Variants in WDR62 observed in about 807,000 individuals in gnomAD.
WDR62 encodes WD repeat-containing protein 62.
In WDR62, 112 loss-of-function variants were observed where a neutral mutation model predicts 160.6. The ratio of observed to expected loss-of-function variants is 0.70; its 90% CI spans 0.60 to 0.82. WDR62 has a LOEUF of 0.82. WDR62 is among the 40% of genes least tolerant of loss of function. The pLI is 0.00. For missense variants in WDR62, 1,819 were observed against 1,983.8 expected (o/e 0.92, Z 1.58); for synonymous variants, 792 against 815.1 (o/e 0.97, Z 0.48).
At chr19:36,058,642 A>C (rs1970485531) in intron 1 of WDR62, 138 bp from the exon 2 acceptor site, 1 of 711,996 alleles carries the variant, frequency 1.4e-6, no homozygotes, top group East Asian at 2.7e-5. Context: ...AACAAGTGTT[A>C]GCTGCTGGTG....
intron 12 of WDR62, among the ~76,000 whole-genome samples, chr19:36,084,949 G>C (rs1174443789): frequency 6.6e-6 from 1 of 152,186 alleles, no homozygotes; most frequent in Non-Finnish European, 1.5e-5. Context: ...GACTCAGCTT[G>C]ACTTGCCCGC....
chr19:36,108,175 C>T (rs1973745874), downstream of WDR62, among the ~76,000 whole-genome samples: 1 of 152,064 alleles, frequency 6.6e-6, no homozygotes, highest in East Asian at 1.9e-4. Flanking sequence ...ACACCCTGAC[C>T]TTACTCCCCT....
rs1190263575 is a variant in WDR62 at position 36,055,069 on chromosome 19, C to T, written c.98C>T (p.Ser33Phe). Residue 33 changes from serine to phenylalanine, a missense_variant, in exon 1 of 32, where the codon TCC (serine) becomes TTC (phenylalanine). Ser to Phe is a radical substitution (Grantham distance 155). Around this residue, in one of 3 missense-constraint regions of WDR62, gnomAD observed 115 missense variants for 92.4 expected, o/e 1.24. Coordinates refer to ENST00000401500, the MANE Select transcript of WDR62 (RefSeq NM_001083961.2). ...AGVPARRGQSSPPPAPPICLR... is the reference protein window; with the variant it reads ...AGVPARRGQSFPPPAPPICLR... ...GTTCCGGCGCGGAGGGGCCAGTCCT[C>T]CCCGCCCCCCGCCCCACCAATCTGC... The T allele has an allele frequency of 6.3e-7, 1 of 1,593,484 alleles. No homozygotes were observed. Among genetic ancestry groups the T allele is most frequent in the Non-Finnish European group, 8.5e-7 (1 of 1,171,264 alleles).
intron 9 of WDR62, among the ~76,000 whole-genome samples, chr19:36,080,615 C>T (rs1053287801): frequency 3.3e-5 from 5 of 151,696 alleles, no homozygotes; most frequent in Non-Finnish European, 4.4e-5. Context: ...TGCACCACCA[C>T]GCCCAGCTAA....
In WDR62 at chr19:36,102,963, C is replaced by T. The variant is rs149994724; in HGVS notation, c.3351C>T (p.Phe1117=). ...LQKASRFTHT[F]PPRATQCLVK... Reference sequence around the variant, plus strand: ...CTCCCCACAGGTTCACCCATACCTTCCCTCCCCGGGCAACCCAGTGCCTTG... The same window carrying T: ...CTCCCCACAGGTTCACCCATACCTTTCCTCCCCGGGCAACCCAGTGCCTTG... Residue 1117 remains phenylalanine (F), a synonymous_variant, in exon 28 of 32, where the codon TTC becomes TTT. Coordinates refer to ENST00000401500, the MANE Select transcript of WDR62 (RefSeq NM_001083961.2). The T allele has an allele frequency of 1.1e-5, 18 of 1,614,154 alleles. 1 individual carries two copies. Among genetic ancestry groups the T allele is most frequent in the Middle Eastern group, 1.6e-4 (1 of 6,062 alleles).
In WDR62 at chr19:36,104,879, A is replaced by G. The variant is rs781770676; in HGVS notation, c.4423A>G (p.Ser1475Gly). 1.2e-6 allele frequency: 2 copies of G among 1,612,490 alleles called. No individual in the cohort carries two copies. The highest frequency in any genetic ancestry group is 1.1e-5 in the South Asian group (1 of 90,996). The change falls in exon 32 of 32, where the codon AGT becomes GGT. Residue 1475 changes from serine (S) to glycine (G), a missense_variant. Ser to Gly is a moderately conservative substitution (Grantham distance 56). Transcript: ENST00000401500. Reference sequence around the variant, plus strand: ...GGAGGCTGAATGCCTGGTGGGGACTAGTGTGGCCCCAGCCCAGGCTCTGCC... The same window carrying G: ...GGAGGCTGAATGCCTGGTGGGGACTGGTGTGGCCCCAGCCCAGGCTCTGCC... ...QLEAECLVGT[S>G]VAPAQALPSP...
Position 36,103,900 on chromosome 19 carries a change from G to A in WDR62, c.4072G>A (p.Ala1358Thr). ...LPAPESPGLP[A>T]HPSNPQLPEA... is the part of the protein sequence containing the mutation. ...AGCTCCTGAGTCCCCTGGCCTTCCT[G>A]CCCACCCCAGTAACCCCCAGCTTCC... Residue 1358 changes from alanine (A) to threonine (T), a missense_variant, in exon 30 of 32, where the codon GCC becomes ACC. By Grantham distance (58) the Ala-to-Thr change is moderately conservative (BLOSUM62 0). Transcript: ENST00000401500. 2 of 1,599,688 alleles carry A rather than the reference G, an allele frequency of 1.3e-6. No individual in the cohort carries two copies. The highest frequency in any genetic ancestry group is 1.1e-5 in the South Asian group (1 of 91,072).
chr19:36,101,163 G>C (rs978292099), intron 23 of WDR62, 51 bp from the exon 24 acceptor site: 1 of 1,533,302 alleles, frequency 6.5e-7, no homozygotes, highest in African/African-American at 1.4e-5. Flanking sequence ...GCTAGCTGTT[G>C]AGTCTCCAGC....
At chr19:36,111,095 G>C in the WDR62 span, 55 of 1,031,622 alleles carry the variant, frequency 5.3e-5, no homozygotes, top group Non-Finnish European at 6.6e-5. Flanking sequence ...AAGAGAATGA[G>C]GTTCCTCAGA....
chr19:36,081,899 G>A (rs1162642074), intron 10 of WDR62: 1 of 496,804 alleles, frequency 2.0e-6, no homozygotes, highest in African/African-American at 1.9e-5. Flanking sequence ...TTCCCTGGGA[G>A]AGCACCTGAT....
chr19:36,073,489 G>A lies in WDR62; in HGVS notation c.1191G>A (p.Val397=). The A allele has an allele frequency of 6.2e-7, 1 of 1,614,134 alleles. No individual in the cohort carries two copies. The highest frequency in any genetic ancestry group is 1.1e-5 in the South Asian group (1 of 91,078). The change falls in exon 9 of 32, where the codon GTG becomes GTA. Residue 397 remains valine, a synonymous_variant. Transcript: ENST00000401500. ...DVKDINRVGK[V]WSELFHSSYV... ...AGGACATCAACAGAGTGGGCAAGGT[G>A]TGGTCAGAGCTCTTCCACAGCTCCT...
chr19:36,083,270 A>G, intron 11 of WDR62, 29 bp downstream of exon 11: 1 of 1,570,940 alleles, frequency 6.4e-7, no homozygotes, highest in Non-Finnish European at 8.6e-7. Context: ...TGTCCAGTGT[A>G]CACCTCCCAG....
rs1484110151 is a variant in WDR62 at position 36,091,209 on chromosome 19, G to A, written c.2044G>A (p.Asp682Asn). 8.1e-6 allele frequency: 13 copies of A among 1,612,532 alleles called. No individual in the cohort carries two copies. Among genetic ancestry groups the A allele is most frequent in the African/African-American group, 1.3e-5 (1 of 75,006 alleles). ...DEGSLLKVHV[D>N]PSGTFLATSC... ...GTCCCTTTCCTGGCAGGTCCATGTG[G>A]ACCCCTCAGGCACCTTCCTGGCCAC... is the stretch of plus-strand genomic sequence containing the variant. Residue 682 changes from aspartate to asparagine, a missense_variant, in exon 17 of 32, where the codon GAC becomes AAC. By Grantham distance (23) the Asp-to-Asn change is conservative. Transcript: ENST00000401500.
In WDR62 at chr19:36,083,127, C is replaced by T. The variant is rs1971998766; in HGVS notation, c.1436C>T (p.Pro479Leu). 2 of 1,613,676 alleles carry T rather than the reference C, an allele frequency of 1.2e-6. No homozygotes were observed. The highest frequency in any genetic ancestry group is 1.3e-5 in the African/African-American group (1 of 74,936). Residue 479 changes from proline to leucine, a missense_variant, in exon 11 of 32, where the codon CCA (proline) becomes CTA (leucine). Coordinates refer to ENST00000401500, the MANE Select transcript of WDR62 (RefSeq NM_001083961.2). ...IQHLQDMSHF[P>L]DRGSENGTPM... Reference sequence around the variant, plus strand: ...CACCTGCAGGACATGTCACACTTCCCAGACCGGGGGAGCGAGAATGGGACA... The same window carrying T: ...CACCTGCAGGACATGTCACACTTCCTAGACCGGGGGAGCGAGAATGGGACA...
chr19:36,086,786 C>T lies in WDR62; in HGVS notation c.1742C>T (p.Ser581Phe), dbSNP rs1021916870. ...NLEQTLDDHS[S>F]SITAIKFAGN... ...GAGCAGACGCTGGATGACCACTCCT[C>T]CTCCATCACCGCCATCAAGTTCGCT... Residue 581 changes from serine to phenylalanine, a missense_variant, in exon 13 of 32, where the codon TCC becomes TTC. By Grantham distance (155) the Ser-to-Phe change is radical. Coordinates refer to ENST00000401500, the MANE Select transcript of WDR62 (RefSeq NM_001083961.2). 26 of 1,609,902 alleles carry T rather than the reference C, an allele frequency of 1.6e-5. No homozygotes were observed. The highest frequency in any genetic ancestry group is 2.2e-5 in the South Asian group (2 of 90,302).
rs770819750 is a variant in WDR62 at position 36,102,725 on chromosome 19, A to ATC, written c.3221-10_3221-9dup. On this transcript the variant is annotated splice_polypyrimidine_tract_variant and intron_variant, in intron 26 of 31. Coordinates refer to ENST00000401500, the MANE Select transcript of WDR62 (RefSeq NM_001083961.2). ...GAAGGGTTATGAGGGTCCCCTCGGGATCTTCCCCTAGAGCTCTTCCCCGCA... is the reference window on the plus strand; with the variant it reads ...GAAGGGTTATGAGGGTCCCCTCGGGATCTCTTCCCCTAGAGCTCTTCCCCGCA... 1 of 1,613,168 alleles carries ATC rather than the reference A, an allele frequency of 6.2e-7. No homozygotes were observed. The highest frequency in any genetic ancestry group is 1.3e-5 in the African/African-American group (1 of 74,898).
At chr19:36,084,834 G>T in intron 12 of WDR62, 90 bp downstream of exon 12, 2 of 1,194,386 alleles carry the variant, frequency 1.7e-6, no homozygotes, top group Admixed American at 3.6e-5. Context: ...TGTCTGGTGG[G>T]ACTGTGGATG....
intron 7 of WDR62, among the ~76,000 whole-genome samples, chr19:36,069,011 C>T (rs1016529254): frequency 1.2e-4 from 18 of 150,686 alleles, no homozygotes; most frequent in Admixed American, 1.1e-3. Flanking sequence ...CCTGACGGGC[C>T]GGCTGGCTGG....
intron 3 of WDR62, chr19:36,061,066 C>T (rs1361076500): frequency 6.6e-6 from 1 of 152,352 alleles, no homozygotes; most frequent in Non-Finnish European, 1.5e-5. Context: ...AGGCTCAGCT[C>T]CTTTGGCCCA....
Sources: gnomAD v4.1 joint callset for allele counts (sites outside exome capture counted in the v4.1 genomes callset) on GRCh38, gnomAD v4.1.1 for gene constraint, gnomAD v4.1.1 regional missense constraint, MANE v1.5 for transcripts, NCBI Gene and HGNC (gene_info 2026-07-23, HGNC 2026-07-21) for gene names.